The following LRMDA variants were observed in gnomAD, a reference collection of about 807,000 sequenced individuals.
LRMDA encodes leucine rich melanocyte differentiation associated.
LRMDA carries 18 observed loss-of-function variants against 29.8 expected under a neutral mutation model. The observed-to-expected ratio is 0.60, with a 90% confidence interval of 0.42 to 0.90. LRMDA has a LOEUF of 0.90. Among genes scored for constraint, LRMDA ranks in the 40% least tolerant of loss-of-function variants. The pLI is 0.00. For synonymous variants in LRMDA, 125 were observed against 109.4 expected (o/e 1.14, Z -0.89); for missense variants, 273 against 273.9 (o/e 1.00, Z 0.02).
At chr10:75,547,872 T>G (rs571054960) in intron 2 of LRMDA, among the ~76,000 whole-genome samples, 3 of 152,150 alleles carry the variant, frequency 2.0e-5, no homozygotes, top group Non-Finnish European at 4.4e-5. Flanking sequence ...GGGTCCTCCT[T>G]TGGACCTTTT....
At chr10:76,552,476 C>A (rs1383284733) in intron 6 of LRMDA, among the ~76,000 whole-genome samples, 1 of 152,194 alleles carries the variant, frequency 6.6e-6, no homozygotes, top group Non-Finnish European at 1.5e-5. Context: ...TAGTCCAAAT[C>A]AATTTTTTTA....
chr10:75,755,754 G>A (rs1843024307), intron 2 of LRMDA, among the ~76,000 whole-genome samples: 1 of 152,354 alleles, frequency 6.6e-6, no homozygotes, highest in East Asian at 1.9e-4. Flanking sequence ...CGCGGCAGCG[G>A]CATCAAAAGC....
intron 6 of LRMDA, among the ~76,000 whole-genome samples, chr10:76,407,058 C>T (rs1209645746): frequency 6.6e-6 from 1 of 152,088 alleles, no homozygotes; most frequent in Non-Finnish European, 1.5e-5. Flanking sequence ...CAGTCCATGC[C>T]TCAAAAAGCT....
chr10:76,471,646 AC>A (rs1450702213), intron 6 of LRMDA, among the ~76,000 whole-genome samples: 1 of 151,768 alleles, frequency 6.6e-6, no homozygotes, highest in African/African-American at 2.4e-5. Context: ...GGATAAAAAA[AC>A]AAAATCCAAC....
At chr10:76,505,965 T>C (rs2637241) in intron 6 of LRMDA, among the ~76,000 whole-genome samples, 101,101 of 151,982 alleles carry the variant, frequency 0.67, 35,743 homozygotes, top group Non-Finnish European at 0.81. Flanking sequence ...GTGCCAATGC[T>C]CTGTACAGGA....
chr10:76,365,107 T>TATATATATATATATATATATATAC (rs141131236), intron 6 of LRMDA, among the ~76,000 whole-genome samples: 1 of 61,202 alleles, frequency 1.6e-5, no homozygotes, highest in Non-Finnish European at 4.3e-5. Flanking sequence ...TATATATATA[T>TATATATATATATATATATATATAC]ACACACACAC....
At chr10:75,577,408 C>T (rs1170439583) in intron 2 of LRMDA, among the ~76,000 whole-genome samples, 1 of 152,078 alleles carries the variant, frequency 6.6e-6, no homozygotes, top group East Asian at 1.9e-4. Flanking sequence ...ACCAAATGTA[C>T]ATTGATTGGT....
chr10:75,962,399 G>A (rs1011505951), intron 2 of LRMDA, among the ~76,000 whole-genome samples: 1 of 152,174 alleles, frequency 6.6e-6, no homozygotes, highest in East Asian at 1.9e-4. Context: ...CCTTAACTTA[G>A]CATTACTGGA....
At chr10:75,850,884 G>C (rs1318530930) in intron 2 of LRMDA, among the ~76,000 whole-genome samples, 1 of 152,194 alleles carries the variant, frequency 6.6e-6, no homozygotes, top group African/African-American at 2.4e-5. Flanking sequence ...GAGGCTACCA[G>C]AGTATGCAGA....
intron 2 of LRMDA, among the ~76,000 whole-genome samples, chr10:75,562,388 A>T (rs1298160148): frequency 7.2e-5 from 11 of 151,902 alleles, no homozygotes; most frequent in Admixed American, 5.9e-4. Flanking sequence ...TGCTTGGTAG[A>T]TCTTCCTCCA....
rs550147207 is a variant in LRMDA, at chr10:76,539,642, T to C, written c.602-17567T>C. ...TGCAGCTGGGCCACTCATCTCAAGA[T>C]TGGAATGTGCCATCTCCATCTTTCC... On this transcript the variant is annotated intron_variant, in intron 6 of 6. Transcript: ENST00000611255. 3.9e-5 allele frequency among the ~76,000 whole-genome samples: 6 copies of C among 152,262 alleles called. No individual in the cohort carries two copies. In the South Asian group the frequency reaches 1.2e-3, roughly 32 times the overall value.
At chr10:75,804,622 A>G (rs929867501) in intron 2 of LRMDA, among the ~76,000 whole-genome samples, 4 of 152,114 alleles carry the variant, frequency 2.6e-5, no homozygotes, top group African/African-American at 9.7e-5. Flanking sequence ...TTCCTGCTGC[A>G]TTGTGGTCAG....
intron 2 of LRMDA, among the ~76,000 whole-genome samples, chr10:75,894,946 A>G (rs1564599689): frequency 6.6e-6 from 1 of 152,252 alleles, no homozygotes. Flanking sequence ...CCTTACTTTC[A>G]GATGAGAAAC....
At chr10:75,439,658 A>G (rs895517547) in intron 2 of LRMDA, among the ~76,000 whole-genome samples, 34 of 152,202 alleles carry the variant, frequency 2.2e-4, no homozygotes, top group South Asian at 2.1e-3. Flanking sequence ...TAGTGGATGG[A>G]GAGTGGCCGC....
intron 6 of LRMDA, among the ~76,000 whole-genome samples, chr10:76,349,936 G>A (rs1052134383): frequency 5.9e-5 from 9 of 151,480 alleles, no homozygotes; most frequent in African/African-American, 1.2e-4. Flanking sequence ...AACAGAAGCC[G>A]GAAACAACCC....
At chr10:75,442,350 T>C (rs1844336029) in intron 2 of LRMDA, among the ~76,000 whole-genome samples, 2 of 152,236 alleles carry the variant, frequency 1.3e-5, no homozygotes, top group Non-Finnish European at 2.9e-5. Context: ...CACCATGCTG[T>C]ACATTACATT....
chr10:75,527,485 C>A (rs370243840), intron 2 of LRMDA, among the ~76,000 whole-genome samples: 1 of 151,896 alleles, frequency 6.6e-6, no homozygotes, highest in Non-Finnish European at 1.5e-5. Flanking sequence ...CAACAGCACA[C>A]CATTTTATAT....
intron 2 of LRMDA, among the ~76,000 whole-genome samples, chr10:75,902,413 G>A (rs1372281475): frequency 6.6e-6 from 1 of 152,146 alleles, no homozygotes; most frequent in Non-Finnish European, 1.5e-5. Flanking sequence ...GAGGGCCAGA[G>A]TGGGCCTTCT....
At position 75,897,619 on chromosome 10, in the gene LRMDA, T is replaced by G. The variant is rs116379986; in HGVS notation, c.132-138389T>G. Among the ~76,000 whole-genome samples the G allele has an allele frequency of 2.5e-3, 388 of 152,270 alleles. 1 individual carries two copies. Among genetic ancestry groups the G allele is most frequent in the African/African-American group, 9.0e-3 (373 of 41,564 alleles). ...ATTTTACAGCCAGGGAAACTGAGGC[T>G]AAAGGGACTAAGAAATTTCTCAGTG... On this transcript the variant is annotated intron_variant, in intron 2 of 6. Transcript: ENST00000611255.
Sources: gnomAD v4.1 joint callset for allele counts (sites outside exome capture counted in the v4.1 genomes callset) on GRCh38, gnomAD v4.1.1 for gene constraint, MANE v1.5 for transcripts, NCBI Gene and HGNC (gene_info 2026-07-23, HGNC 2026-07-21) for gene names.